Variants in L3MBTL4 observed in about 807,000 individuals in gnomAD.
The protein encoded by L3MBTL4 is L3MBTL histone methyl-lysine binding protein 4.
In L3MBTL4, 70 loss-of-function variants were observed where a neutral mutation model predicts 84.5. That is an observed-to-expected ratio of 0.83 (90% confidence interval 0.68 to 1.01). L3MBTL4 has a LOEUF of 1.01. L3MBTL4 is among the 50% of genes least tolerant of loss of function. The probability of loss-of-function intolerance (pLI) is 0.00; values close to 1 mark genes in which losing one functional copy is unlikely to be tolerated. For missense variants in L3MBTL4, 715 were observed against 754.8 expected (o/e 0.95, Z 0.62); for synonymous variants, 274 against 259.8 (o/e 1.05, Z -0.52).
intron 1 of L3MBTL4, among the ~76,000 whole-genome samples, chr18:6,370,156 A>C (rs1296915492): frequency 2.7e-5 from 4 of 148,300 alleles, no homozygotes; most frequent in African/African-American, 7.5e-5. Flanking sequence ...AAAAAAAAAG[A>C]AAGCACTGAC....
chr18:6,394,232 C>G (rs2055179337), intron 1 of L3MBTL4, among the ~76,000 whole-genome samples: 1 of 152,120 alleles, frequency 6.6e-6, no homozygotes. Flanking sequence ...CTTTGGGAGA[C>G]CGAGTTGGGC....
Position 6,030,439 on chromosome 18 carries a change from G to A in L3MBTL4, c.1444+50442C>T, listed in dbSNP as rs1365122153. On this transcript the variant is annotated intron_variant, in intron 16 of 18. Coordinates refer to ENST00000317931, the MANE Select transcript of L3MBTL4 (RefSeq NM_001330559.2). ...ATACATCTTCTGACTTTATCATCAG[G>A]TATTAATTTGCATTGCTTTACTAAA... 5.1e-6 allele frequency: 5 copies of A among 983,466 alleles called. No individual in the cohort carries two copies. In the South Asian group the frequency reaches 1.9e-4, roughly 37 times the overall value. The allele number at this position is 983,466 out of a possible 1,614,324, so 60.9% of individuals were successfully genotyped here.
rs1473376864 is a variant in L3MBTL4, at chr18:6,229,610, G to A, written c.784+8354C>T. Among the ~76,000 whole-genome samples the A allele has an allele frequency of 9.9e-5, 15 of 152,156 alleles. 1 individual carries two copies. The East Asian group carries it at 2.9e-3, about 29-fold the overall frequency. ...TCTTTTAAGAACTTCAATAGTTTTAGTTCTTAGGTTTTCTTATGTTTAGGT... is the reference window on the plus strand; with the variant it reads ...TCTTTTAAGAACTTCAATAGTTTTAATTCTTAGGTTTTCTTATGTTTAGGT... On this transcript the variant is annotated intron_variant, in intron 10 of 18. Transcript: ENST00000317931.
chr18:6,397,271 C>T (rs1419341856), intron 1 of L3MBTL4: 1 of 152,162 alleles, frequency 6.6e-6, no homozygotes, highest in Non-Finnish European at 1.5e-5. Context: ...AGTAAATAAG[C>T]ACATTATCTT....
chr18:6,353,703 A>T (rs2053307015), intron 1 of L3MBTL4, among the ~76,000 whole-genome samples: 1 of 152,154 alleles, frequency 6.6e-6, no homozygotes, highest in African/African-American at 2.4e-5. Context: ...TAGAAATAAA[A>T]TTAAATACCT....
At chr18:6,269,543 T>C (rs182428815) in intron 4 of L3MBTL4, among the ~76,000 whole-genome samples, 124 of 152,294 alleles carry the variant, frequency 8.1e-4, no homozygotes, top group Admixed American at 7.5e-3. Context: ...GATGTTACAA[T>C]TCACTGATCT....
intron 16 of L3MBTL4, among the ~76,000 whole-genome samples, chr18:6,062,550 CA>C (rs1289537030): frequency 6.6e-6 from 1 of 151,960 alleles, no homozygotes; most frequent in African/African-American, 2.4e-5. Context: ...CAGCCATTAT[CA>C]TTTCAAATAT....
intron 14 of L3MBTL4, among the ~76,000 whole-genome samples, chr18:6,105,794 C>G (rs2058985889): frequency 7.4e-6 from 1 of 134,780 alleles, no homozygotes; most frequent in South Asian, 2.4e-4. Flanking sequence ...GAGTGAAACT[C>G]TGTCTCAAAA....
chr18:6,284,797 C>G (rs1431331425), intron 4 of L3MBTL4, among the ~76,000 whole-genome samples: 1 of 152,222 alleles, frequency 6.6e-6, no homozygotes, highest in Non-Finnish European at 1.5e-5. Flanking sequence ...TGGGTGGAGG[C>G]AGCTAGAGCG....
At chr18:6,155,444 A>T (rs112176915) in intron 13 of L3MBTL4, among the ~76,000 whole-genome samples, 55 of 152,274 alleles carry the variant, frequency 3.6e-4, no homozygotes, top group African/African-American at 1.3e-3. Flanking sequence ...GAAGCTCCCA[A>T]ATATGCCATC....
chr18:6,117,495 C>G (rs1234813242), intron 14 of L3MBTL4, among the ~76,000 whole-genome samples: 3 of 152,196 alleles, frequency 2.0e-5, no homozygotes, highest in Non-Finnish European at 4.4e-5. Context: ...GGATAATTCC[C>G]TCAGGCTGCC....
chr18:6,372,994 C>T (rs1421993720), intron 1 of L3MBTL4, among the ~76,000 whole-genome samples: 2 of 152,184 alleles, frequency 1.3e-5, no homozygotes, highest in Non-Finnish European at 2.9e-5. Flanking sequence ...TAAATATACA[C>T]TATTTTTTCC....
chr18:6,230,324 C>G (rs2046944823), intron 10 of L3MBTL4, among the ~76,000 whole-genome samples: 1 of 152,126 alleles, frequency 6.6e-6, no homozygotes, highest in Non-Finnish European at 1.5e-5. Flanking sequence ...CAAGTGAGAA[C>G]ATGGGATATT....
At chr18:6,014,436 AGAG>A (rs1404289970) in intron 16 of L3MBTL4, among the ~76,000 whole-genome samples, 1 of 152,210 alleles carries the variant, frequency 6.6e-6, no homozygotes, top group Non-Finnish European at 1.5e-5. Context: ...AAGGTCCTGG[AGAG>A]GAGAAGTAGA....
chr18:5,989,516 C>T (rs1213730324), intron 16 of L3MBTL4, among the ~76,000 whole-genome samples: 1 of 152,202 alleles, frequency 6.6e-6, no homozygotes, highest in Admixed American at 6.5e-5. Flanking sequence ...AAATGAAGGA[C>T]AGTTTAAATC....
chr18:6,059,103 A>G (rs1264937805), intron 16 of L3MBTL4, among the ~76,000 whole-genome samples: 1 of 152,220 alleles, frequency 6.6e-6, no homozygotes, highest in Non-Finnish European at 1.5e-5. Flanking sequence ...CTGATTACGC[A>G]TCTAGTCTGG....
chr18:6,298,235 TATC>T (rs2050186444), intron 4 of L3MBTL4, among the ~76,000 whole-genome samples: 1 of 152,176 alleles, frequency 6.6e-6, no homozygotes, highest in African/African-American at 2.4e-5. Context: ...AGTTAAAAAA[TATC>T]ATCACTACTT....
At chr18:6,226,523 T>G (rs183780939) in intron 10 of L3MBTL4, among the ~76,000 whole-genome samples, 94 of 152,272 alleles carry the variant, frequency 6.2e-4, no homozygotes, top group Middle Eastern at 6.8e-3. Flanking sequence ...TTGCTTTTAC[T>G]TCATGTTTTC....
intron 1 of L3MBTL4, among the ~76,000 whole-genome samples, chr18:6,363,383 C>A (rs554399779): frequency 6.6e-6 from 1 of 152,310 alleles, no homozygotes; most frequent in Admixed American, 6.5e-5. Context: ...TTTTCAACCA[C>A]TTCCCACCAC....
Sources: gnomAD v4.1 joint callset for allele counts (sites outside exome capture counted in the v4.1 genomes callset) on GRCh38, gnomAD v4.1.1 for gene constraint, MANE v1.5 for transcripts, NCBI Gene and HGNC (gene_info 2026-07-23, HGNC 2026-07-21) for gene names.